ZNF793: variants seen among roughly 807,000 people sequenced by gnomAD.
ZNF793 encodes zinc finger protein 793.
ZNF793 carries 5 observed loss-of-function variants against 12.4 expected under a neutral mutation model. That is an observed-to-expected ratio of 0.40 (90% confidence interval 0.21 to 0.84). The LOEUF (loss-of-function observed/expected upper bound fraction) is 0.84. Among genes scored for constraint, ZNF793 ranks in the 40% least tolerant of loss-of-function variants. ZNF793 has a pLI of 0.35. For synonymous variants in ZNF793, 162 were observed against 172.4 expected, an observed-to-expected ratio of 0.94 and a Z score of 0.47; for missense variants, 456 against 495.0, an observed-to-expected ratio of 0.92 and a Z score of 0.75.
At chr19:37,536,173 T>C (rs928754064) in intron 7 of ZNF793, 5 of 325,470 alleles carry the variant, frequency 1.5e-5, no homozygotes, top group Admixed American at 4.9e-5. Flanking sequence ...TTGTTGATTT[T>C]ATTTTTTAAT....
intron 1 of ZNF793, among the ~76,000 whole-genome samples, chr19:37,507,935 T>G (rs1195215891): frequency 6.6e-6 from 1 of 152,144 alleles, no homozygotes; most frequent in Non-Finnish European, 1.5e-5. Context: ...GCGTGTCTGA[T>G]TAGGAGACTT....
At chr19:37,515,516 G>A (rs1353441455) in intron 2 of ZNF793, among the ~76,000 whole-genome samples, 2 of 152,108 alleles carry the variant, frequency 1.3e-5, no homozygotes, top group Non-Finnish European at 2.9e-5. Context: ...CACCGTGTTA[G>A]CCAGGATGGT....
At chr19:37,511,066 T>C (rs544209511) in intron 2 of ZNF793, among the ~76,000 whole-genome samples, 1 of 152,118 alleles carries the variant, frequency 6.6e-6, no homozygotes, top group Non-Finnish European at 1.5e-5. Flanking sequence ...AAGGTGCAGC[T>C]CAATGAATTT....
rs771275395 is a variant in ZNF793, at chr19:37,528,618, G to C, written c.16-3738G>C. Among the ~76,000 whole-genome samples the C allele has an allele frequency of 3.2e-4, 49 of 152,076 alleles. 1 individual carries two copies. Among genetic ancestry groups the C allele is most frequent in the Admixed American group, 2.0e-4 (3 of 15,250 alleles). ...AGTCACTTAAAGACAGGATCACCAG[G>C]ACCTTCCTAGGCTGGTACCCATGGG... is the stretch of plus-strand genomic sequence containing the variant. On this transcript the variant is annotated intron_variant, in intron 5 of 7. Transcript: ENST00000627814.
intron 2 of ZNF793, among the ~76,000 whole-genome samples, chr19:37,516,131 AGTTT>A (rs2042330116): frequency 6.6e-6 from 1 of 152,050 alleles, no homozygotes; most frequent in Non-Finnish European, 1.5e-5. Context: ...TCTATGAACT[AGTTT>A]GTTTTGTTTT....
At chr19:37,509,182 A>G (rs763033987) in intron 2 of ZNF793, among the ~76,000 whole-genome samples, 7 of 152,210 alleles carry the variant, frequency 4.6e-5, no homozygotes, top group Admixed American at 3.3e-4. Flanking sequence ...TGTAACTATC[A>G]CTTGAATAAT....
intron 2 of ZNF793, among the ~76,000 whole-genome samples, chr19:37,511,598 G>A (rs1420585755): frequency 6.6e-6 from 1 of 152,214 alleles, no homozygotes; most frequent in African/African-American, 2.4e-5. Context: ...TTGCACCTGA[G>A]AGGCAGAGGT....
At chr19:37,536,575 C>T (rs984397247) in intron 7 of ZNF793, 8 of 410,012 alleles carry the variant, frequency 2.0e-5, no homozygotes, top group South Asian at 2.2e-4. Flanking sequence ...CATGGTATGG[C>T]GGGAGAGTTG....
chr19:37,518,630 CA>C (rs61641247), intron 2 of ZNF793, among the ~76,000 whole-genome samples: 108 of 84,452 alleles, frequency 1.3e-3, no homozygotes, highest in East Asian at 3.3e-3. Flanking sequence ...CCTGTCTCTA[CA>C]AAAAAAAAAA....
chr19:37,522,032 T>G (rs2042380093), intron 3 of ZNF793, among the ~76,000 whole-genome samples: 1 of 152,130 alleles, frequency 6.6e-6, no homozygotes, highest in Non-Finnish European at 1.5e-5. Context: ...TTTTTTTATG[T>G]AACCAGTAGT....
Position 37,517,510 on chromosome 19 carries a change from A to G in ZNF793, c.-275-2674A>G, listed in dbSNP as rs2042342165. Among the ~76,000 whole-genome samples, 4 of 151,956 alleles carry G rather than the reference A, an allele frequency of 2.6e-5. No individual in the cohort carries two copies. In the South Asian group the frequency reaches 8.3e-4, roughly 32 times the overall value. ...GCAAATGTTACATTGCTCTTTTAGAAGGCAAATCTGTCTCTGAGAGGCAGC... is the reference window on the plus strand; with the variant it reads ...GCAAATGTTACATTGCTCTTTTAGAGGGCAAATCTGTCTCTGAGAGGCAGC... On this transcript the variant is annotated intron_variant, in intron 2 of 7. Transcript: ENST00000627814.
intron 2 of ZNF793, among the ~76,000 whole-genome samples, chr19:37,513,715 A>G (rs140502713): frequency 8.5e-5 from 13 of 152,354 alleles, no homozygotes; most frequent in South Asian, 4.1e-4. Context: ...ACCACATGAC[A>G]TGATCTATAT....
intron 2 of ZNF793, among the ~76,000 whole-genome samples, chr19:37,510,096 T>A (rs996821435): frequency 6.6e-6 from 1 of 152,126 alleles, no homozygotes; most frequent in African/African-American, 2.4e-5. Context: ...CACAGTGGCT[T>A]ACACCTGTAA....
rs1423652113 is a variant in ZNF793, at chr19:37,537,859, A to G, written c.1201A>G (p.Ile401Val). 1.3e-6 allele frequency: 2 copies of G among 1,593,748 alleles called. No homozygotes were observed. Among genetic ancestry groups the G allele is most frequent in the Middle Eastern group, 1.7e-4 (1 of 6,000 alleles). The change falls in exon 8 of 8, where the codon ATA becomes GTA. Residue 401 changes from isoleucine (I) to valine (V), a missense_variant. Ile to Val is a conservative substitution (Grantham distance 29). Transcript: ENST00000627814. ...GAATGCCTACAGGAATGAAAACTTA[A>G]TAATTGTGGGAAATACTTGAGCAAA... Reference protein sequence around the residue: ...RKNAYRNENLIIVGNT With the variant: ...RKNAYRNENLVIVGNT
intron 5 of ZNF793, among the ~76,000 whole-genome samples, chr19:37,524,472 A>T (rs1425086814): frequency 6.6e-6 from 1 of 152,202 alleles, no homozygotes; most frequent in African/African-American, 2.4e-5. Flanking sequence ...CTTTTGGATT[A>T]CCAATGTACA....
intron 1 of ZNF793, among the ~76,000 whole-genome samples, chr19:37,507,655 A>G (rs578254861): frequency 4.6e-5 from 7 of 152,312 alleles, no homozygotes; most frequent in East Asian, 3.9e-4. Flanking sequence ...GTACGCCTCA[A>G]TGAGGCTCAG....
chr19:37,532,911 A>G (rs769162807), intron 6 of ZNF793, among the ~76,000 whole-genome samples: 7 of 152,200 alleles, frequency 4.6e-5, no homozygotes, highest in Non-Finnish European at 1.0e-4. Context: ...TGTGCCAGAA[A>G]TTGTTTTAGC....
Position 37,539,037 on chromosome 19 carries a change from A to G in ZNF793, c.*1158A>G, listed in dbSNP as rs1294725047. ...TTTCCACCTTTTTGTAATACATGTA[A>G]ATGGCTATAGAGGTTGTTACTGTCC... On this transcript the variant is annotated 3_prime_UTR_variant, in exon 8 of 8. Transcript: ENST00000627814. 1 of 152,246 alleles carries G rather than the reference A, an allele frequency of 6.6e-6. No individual in the cohort carries two copies. Among genetic ancestry groups the G allele is most frequent in the Non-Finnish European group, 1.5e-5 (1 of 68,042 alleles). The allele number at this position is 152,246 out of a possible 1,614,324, so 9.4% of individuals were successfully genotyped here. A position where few individuals can be genotyped will look rare whatever the true frequency, so the allele number is the denominator to read the frequency against.
intron 2 of ZNF793, among the ~76,000 whole-genome samples, chr19:37,510,955 C>T (rs1385361520): frequency 2.0e-5 from 3 of 151,912 alleles, no homozygotes; most frequent in Admixed American, 1.3e-4. Context: ...CCTCAGTCTC[C>T]CAAAGTGCTG....
Sources: gnomAD v4.1 joint callset for allele counts (sites outside exome capture counted in the v4.1 genomes callset) on GRCh38, gnomAD v4.1.1 for gene constraint, MANE v1.5 for transcripts, NCBI Gene and HGNC (gene_info 2026-07-23, HGNC 2026-07-21) for gene names.